Variants in CEMIP2 observed in about 807,000 individuals in gnomAD.
The protein encoded by CEMIP2 is cell surface hyaluronidase CEMIP2.
In CEMIP2, 79 loss-of-function variants were observed where a neutral mutation model predicts 146.9. The observed-to-expected ratio is 0.54, with a 90% CI of 0.45 to 0.65. The LOEUF is 0.65. CEMIP2 is among the 30% of genes least tolerant of loss of function. The pLI, the probability that CEMIP2 is intolerant of heterozygous loss-of-function variation, is 0.00. For missense variants in CEMIP2, 1,596 were observed against 1,696.2 expected (o/e 0.94, Z 1.04); for synonymous variants, 601 against 606.3 (o/e 0.99, Z 0.13).
chr9:71,766,905 C>G (rs763909092), intron 1 of CEMIP2, among the ~76,000 whole-genome samples: 10 of 152,206 alleles, frequency 6.6e-5, no homozygotes, highest in Admixed American at 6.5e-4. Context: ...CCAAACTGAT[C>G]CTCTAATGCA....
At chr9:71,715,648 A>ATATATATATATATATATATAT (rs967444649) in intron 14 of CEMIP2, among the ~76,000 whole-genome samples, 4 of 134,210 alleles carry the variant, frequency 3.0e-5, no homozygotes, top group East Asian at 2.1e-4. Context: ...ATATATATAT[A>ATATATATATATATATATATAT]CTTTTTTTTT....
intron 15 of CEMIP2, among the ~76,000 whole-genome samples, chr9:71,714,482 C>A (rs1402343038): frequency 6.6e-6 from 1 of 152,102 alleles, no homozygotes; most frequent in African/African-American, 2.4e-5. Context: ...TCAATCAACT[C>A]TCATTTCCTA....
At chr9:71,732,610 C>T in intron 6 of CEMIP2, 90 bp from the exon 7 acceptor site, 1 of 1,233,616 alleles carries the variant, frequency 8.1e-7, no homozygotes, top group Non-Finnish European at 1.1e-6. Flanking sequence ...ATTCCATAAC[C>T]CCAAGATGAT....
At chr9:71,691,881 G>A (rs532643049) in intron 21 of CEMIP2, among the ~76,000 whole-genome samples, 30 of 152,238 alleles carry the variant, frequency 2.0e-4, no homozygotes, top group East Asian at 1.7e-3. Flanking sequence ...TGAGGAGGGT[G>A]GATCACCTGA....
chr9:71,757,756 G>C (rs1210813528), intron 1 of CEMIP2, among the ~76,000 whole-genome samples: 1 of 152,134 alleles, frequency 6.6e-6, no homozygotes, highest in Non-Finnish European at 1.5e-5. Flanking sequence ...GTTTGGTTTG[G>C]TTTGGTTTGA....
At chr9:71,715,650 T>TGC (rs1823034973) in intron 14 of CEMIP2, among the ~76,000 whole-genome samples, 1 of 49,340 alleles carries the variant, frequency 2.0e-5, no homozygotes, top group Non-Finnish European at 7.3e-5. Flanking sequence ...ATATATATAC[T>TGC]TTTTTTTTTT....
intron 10 of CEMIP2, among the ~76,000 whole-genome samples, chr9:71,728,227 CTCTCTATA>C (rs1239084910): frequency 2.2e-3 from 41 of 18,718 alleles, no homozygotes; most frequent in African/African-American, 4.2e-3. Context: ...CTCTCTCTCT[CTCTCTATA>C]TATATATATA....
At position 71,685,797 on chromosome 9, in the gene CEMIP2, A is replaced by G; in HGVS notation, c.3901T>C (p.Ser1301Pro). Residue 1301 changes from serine to proline, a missense_variant, in exon 23 of 24, where the codon TCA becomes CCA. Ser to Pro is a moderately conservative substitution (Grantham distance 74). Transcript: ENST00000377044. Reference protein sequence around the residue: ...TRGEIKQLNISHLLVPLGLAK... With the variant: ...TRGEIKQLNIPHLLVPLGLAK... ...AATCCCAGAGGTACTAGTAAGTGTG[A>G]AATGTTTAACTGCTTTATTTCTCCT... 6 of 1,614,088 alleles carry G rather than the reference A, an allele frequency of 3.7e-6. No homozygotes were observed. In the South Asian group the frequency reaches 6.6e-5, roughly 18 times the overall value.
chr9:71,689,532 G>C (rs1822165543), intron 22 of CEMIP2, among the ~76,000 whole-genome samples: 1 of 152,216 alleles, frequency 6.6e-6, no homozygotes, highest in South Asian at 2.1e-4. Context: ...AAGAGCGATT[G>C]CACACTCAGC....
At position 71,728,302 on chromosome 9, in the gene CEMIP2, C is replaced by CGTGTATATATAT. The variant is rs1554684803; in HGVS notation, c.2049+1542_2049+1543insATATATATACAC. 6.0e-4 allele frequency among the ~76,000 whole-genome samples: 7 copies of CGTGTATATATAT among 11,580 alleles called. 1 individual carries two copies. The highest frequency in any genetic ancestry group is 7.4e-4 in the Non-Finnish European group (5 of 6,760). 7.6% of individuals were successfully genotyped at this position (11,580 alleles called of 152,430 possible). The stretch of plus-strand genomic sequence containing the variant: ...ATATGTATATATATATATATATATA[C>CGTGTATATATAT]ATATATATATATATACGTATATATA... On this transcript the variant is annotated intron_variant, in intron 10 of 23. Transcript: ENST00000377044.
intron 17 of CEMIP2, among the ~76,000 whole-genome samples, chr9:71,706,323 T>A (rs780300111): frequency 6.6e-6 from 1 of 151,958 alleles, no homozygotes; most frequent in Non-Finnish European, 1.5e-5. Context: ...ATCCAATTGC[T>A]CCCATTTTTG....
chr9:71,685,722 T>C (rs1213420637), intron 23 of CEMIP2, 21 bp downstream of exon 23: 2 of 1,595,066 alleles, frequency 1.3e-6, no homozygotes, highest in East Asian at 2.2e-5. Context: ...AAGAACTTCA[T>C]GAAATAATAC....
intron 17 of CEMIP2, among the ~76,000 whole-genome samples, chr9:71,708,701 C>T (rs1001235059): frequency 6.6e-6 from 1 of 152,136 alleles, no homozygotes; most frequent in Non-Finnish European, 1.5e-5. Flanking sequence ...TGTATATCAT[C>T]TCCTCCATAT....
intron 10 of CEMIP2, among the ~76,000 whole-genome samples, chr9:71,726,281 C>A (rs1033175218): frequency 6.6e-6 from 1 of 152,100 alleles, no homozygotes; most frequent in Non-Finnish European, 1.5e-5. Context: ...TTCAGTATTA[C>A]TGACCTTAAT....
At chr9:71,729,374 C>G (rs565805489) in intron 10 of CEMIP2, among the ~76,000 whole-genome samples, 2 of 151,980 alleles carry the variant, frequency 1.3e-5, no homozygotes, top group South Asian at 4.2e-4. Context: ...AATCCCAGCA[C>G]TTTGGGAGGC....
chr9:71,710,635 G>C (rs553824183), intron 16 of CEMIP2, among the ~76,000 whole-genome samples: 1 of 152,330 alleles, frequency 6.6e-6, no homozygotes, highest in South Asian at 2.1e-4. Context: ...AACAAATGCA[G>C]TATCTAACAA....
At chr9:71,767,086 A>G (rs968453676) in intron 1 of CEMIP2, among the ~76,000 whole-genome samples, 3 of 152,252 alleles carry the variant, frequency 2.0e-5, no homozygotes, top group African/African-American at 7.2e-5. Context: ...CAACCACAGT[A>G]TGATACCCAG....
intron 10 of CEMIP2, among the ~76,000 whole-genome samples, chr9:71,728,038 G>A (rs563489121): frequency 2.0e-5 from 3 of 151,292 alleles, no homozygotes; most frequent in Non-Finnish European, 2.9e-5. Context: ...TCCAGCCTGG[G>A]GGACAGAGCG....
chr9:71,762,012 C>A (rs1412142830), intron 1 of CEMIP2, among the ~76,000 whole-genome samples: 2 of 146,768 alleles, frequency 1.4e-5, no homozygotes, highest in South Asian at 2.2e-4. Flanking sequence ...AATGACGACA[C>A]GTTGCCCAAT....
Sources: allele counts gnomAD v4.1 joint callset (sites outside exome capture counted in the v4.1 genomes callset), GRCh38; gene constraint gnomAD v4.1.1; transcripts MANE v1.5; gene names NCBI Gene and HGNC (gene_info 2026-07-23, HGNC 2026-07-21).